The following KPNA3 variants were observed in gnomAD, a reference collection of about 807,000 sequenced individuals.
KPNA3 encodes the protein importin subunit alpha-4.
KPNA3 carries 13 observed loss-of-function variants against 73.8 expected under a neutral mutation model. The ratio of observed to expected loss-of-function variants is 0.18; its 90% confidence interval spans 0.11 to 0.28. The LOEUF is 0.28. Among genes scored for constraint, KPNA3 ranks in the 10% least tolerant of loss-of-function variants. The pLI is 1.00. For synonymous variants in KPNA3, 186 were observed against 206.9 expected (o/e 0.90, Z 0.87); for missense variants, 360 against 618.1 (o/e 0.58, Z 4.43).
intron 10 of KPNA3, 94 bp downstream of exon 10, chr13:49,719,681 G>T (rs543688250): frequency 2.4e-6 from 2 of 843,540 alleles, no homozygotes; most frequent in Non-Finnish European, 2.0e-6. Context: ...GTAGAAACTT[G>T]ACAAGTTGAT....
intron 10 of KPNA3, among the ~76,000 whole-genome samples, chr13:49,712,084 C>T (rs1204315286): frequency 1.3e-5 from 2 of 152,170 alleles, no homozygotes; most frequent in African/African-American, 4.8e-5. Flanking sequence ...GGCCTCCCTG[C>T]TGGAGGTGTC....
At chr13:49,732,801 C>A in intron 3 of KPNA3, 25 bp from the exon 4 acceptor site, 2 of 1,524,356 alleles carry the variant, frequency 1.3e-6, no homozygotes, top group South Asian at 2.4e-5. Context: ...AAAAATAGTT[C>A]AGCAGAGTTT....
chr13:49,734,942 GAGAGAGATAGAT>G (rs1267895929), intron 2 of KPNA3, among the ~76,000 whole-genome samples: 1 of 120,708 alleles, frequency 8.3e-6, no homozygotes, highest in African/African-American at 3.0e-5. Flanking sequence ...TATATATAGA[GAGAGAGATAGAT>G]AGAGAGAGAG....
chr13:49,767,017 AATTTT>A (rs1218722216), intron 1 of KPNA3, among the ~76,000 whole-genome samples: 1 of 105,600 alleles, frequency 9.5e-6, no homozygotes, highest in Admixed American at 9.9e-5. Context: ...TTTTTTTTAT[AATTTT>A]AAGTTCTGAC....
intron 1 of KPNA3, among the ~76,000 whole-genome samples, chr13:49,760,858 G>C (rs1456733255): frequency 6.6e-6 from 1 of 152,134 alleles, no homozygotes; most frequent in African/African-American, 2.4e-5. Context: ...CTGGGGCCCA[G>C]ATGGAACAAA....
In KPNA3 at chr13:49,773,060, C is replaced by G. The variant is rs550435899; in HGVS notation, c.69+19378G>C. On this transcript the variant is annotated intron_variant, in intron 1 of 16. Coordinates refer to ENST00000261667, the MANE Select transcript of KPNA3 (RefSeq NM_002267.4). Reference sequence around the variant, plus strand: ...TGAGTCAGCAATTAAGAAGAATGAACTTTAGGTACACAAAATATTAATGTT... The same window carrying G: ...TGAGTCAGCAATTAAGAAGAATGAAGTTTAGGTACACAAAATATTAATGTT... 3.3e-5 allele frequency among the ~76,000 whole-genome samples: 5 copies of G among 152,060 alleles called. No homozygotes were observed. In the East Asian group the frequency reaches 9.7e-4, roughly 29 times the overall value.
intron 15 of KPNA3, among the ~76,000 whole-genome samples, chr13:49,702,938 G>A (rs1018070202): frequency 6.6e-6 from 1 of 151,792 alleles, no homozygotes; most frequent in African/African-American, 2.4e-5. Context: ...GTGTGATCTC[G>A]GCTCACTGCA....
intron 6 of KPNA3, 36 bp downstream of exon 6, chr13:49,732,335 G>GA (rs768887048): frequency 3.6e-6 from 4 of 1,124,146 alleles, no homozygotes; most frequent in African/African-American, 1.6e-5. Flanking sequence ...TAAGTTAACT[G>GA]AAAAAAACTG....
intron 2 of KPNA3, among the ~76,000 whole-genome samples, chr13:49,736,722 A>G (rs1039081848): frequency 1.3e-4 from 20 of 152,134 alleles, no homozygotes; most frequent in African/African-American, 4.6e-4. Flanking sequence ...CATCCCATAC[A>G]ATTTTATCAC....
In KPNA3 at chr13:49,699,556, T is replaced by A. The variant is rs1954128998; in HGVS notation, c.*2244A>T. On this transcript the variant is annotated 3_prime_UTR_variant, in exon 17 of 17. Coordinates refer to ENST00000261667, the MANE Select transcript of KPNA3 (RefSeq NM_002267.4). The stretch of plus-strand genomic sequence containing the variant: ...CAATTCCAATTCAAAACTGGTAAGG[T>A]CACAAATTGAATCAAGGAAATGCAT... The A allele has an allele frequency of 6.6e-6, 1 of 152,586 alleles. No homozygotes were observed. Among genetic ancestry groups the A allele is most frequent in the Admixed American group, 6.5e-5 (1 of 15,276 alleles). 9.5% of individuals were successfully genotyped at this position (152,586 alleles called of 1,614,324 possible).
At chr13:49,733,292 T>TTTTG (rs1566343542) in intron 2 of KPNA3, among the ~76,000 whole-genome samples, 2 of 146,206 alleles carry the variant, frequency 1.4e-5, no homozygotes, top group Non-Finnish European at 3.0e-5. Context: ...GTTTTTTTTT[T>TTTTG]TTTTTTTTTT....
At chr13:49,720,854 CTTTGT>C (rs1017489701) in intron 9 of KPNA3, among the ~76,000 whole-genome samples, 2 of 151,136 alleles carry the variant, frequency 1.3e-5, no homozygotes, top group African/African-American at 4.9e-5. Flanking sequence ...AAAGTTTTTA[CTTTGT>C]TTTAATTAGT....
intron 1 of KPNA3, among the ~76,000 whole-genome samples, chr13:49,775,413 ACAC>A (rs1203544898): frequency 6.6e-6 from 1 of 152,166 alleles, no homozygotes; most frequent in East Asian, 1.9e-4. Context: ...CTAGGGCAGC[ACAC>A]CACATGGGAA....
At chr13:49,770,179 C>CTTTT (rs35910811) in intron 1 of KPNA3, among the ~76,000 whole-genome samples, 169 of 83,800 alleles carry the variant, frequency 2.0e-3, no homozygotes, top group African/African-American at 4.6e-3. Flanking sequence ...TTGTGGGCTG[C>CTTTT]TTTTTTTTTT....
rs75481403 is a variant in KPNA3 at position 49,766,775 on chromosome 13, T to C, written c.70-19782A>G. On this transcript the variant is annotated intron_variant, in intron 1 of 16. Transcript: ENST00000261667. ...ATATAGCAGGGGGTGGAGAAGTTTATTAATAAACCTAACATCAAAAATTAA... is the reference window on the plus strand; with the variant it reads ...ATATAGCAGGGGGTGGAGAAGTTTACTAATAAACCTAACATCAAAAATTAA... Among the ~76,000 whole-genome samples, 746 of 152,266 alleles carry C rather than the reference T, an allele frequency of 4.9e-3. 5 individuals carry two copies. Among genetic ancestry groups the C allele is most frequent in the Admixed American group, 0.022 (333 of 15,288 alleles).
chr13:49,791,457 T>G (rs1955032013), intron 1 of KPNA3, among the ~76,000 whole-genome samples: 1 of 152,226 alleles, frequency 6.6e-6, no homozygotes, highest in Admixed American at 6.5e-5. Context: ...AAATAGTACC[T>G]GCTAATGTCA....
At chr13:49,730,606 A>AT (rs1555304946) in intron 6 of KPNA3, among the ~76,000 whole-genome samples, 140 of 144,460 alleles carry the variant, frequency 9.7e-4, no homozygotes, top group African/African-American at 3.1e-3. Context: ...TTATTTATTT[A>AT]TTTATTTTAT....
At chr13:49,739,994 T>TA (rs1345166071) in intron 2 of KPNA3, among the ~76,000 whole-genome samples, 1 of 152,204 alleles carries the variant, frequency 6.6e-6, no homozygotes, top group African/African-American at 2.4e-5. Context: ...CTCATGCCTG[T>TA]AATCCCAGAA....
chr13:49,754,257 C>T (rs1308859999), intron 1 of KPNA3, among the ~76,000 whole-genome samples: 3 of 152,022 alleles, frequency 2.0e-5, no homozygotes, highest in Admixed American at 6.5e-5. Flanking sequence ...ACTGAGATCA[C>T]GTCACTGCAC....
Sources: allele counts gnomAD v4.1 joint callset (sites outside exome capture counted in the v4.1 genomes callset), GRCh38; gene constraint gnomAD v4.1.1; transcripts MANE v1.5; gene names NCBI Gene and HGNC (gene_info 2026-07-23, HGNC 2026-07-21).